RNASE4: variants seen among roughly 807,000 people sequenced by gnomAD.
RNASE4 encodes the protein ribonuclease A family member 4.
For synonymous variants in RNASE4, 93 were observed against 71.4 expected (o/e 1.30, Z -1.52); for missense variants, 194 against 192.8 (o/e 1.01, Z -0.04).
intron 1 of RNASE4, chr14:20,693,712 T>G: frequency 6.2e-7 from 1 of 1,614,154 alleles, no homozygotes; most frequent in African/African-American, 1.3e-5. Context: ...TGACAGATAC[T>G]GTGAAAGCAT....
intron 1 of RNASE4, among the ~76,000 whole-genome samples, chr14:20,692,319 T>C (rs1054363513): frequency 2.0e-4 from 31 of 152,114 alleles, no homozygotes; most frequent in Admixed American, 4.6e-4. Context: ...CTTGGGGAGG[T>C]AGGTCTGCTT....
chr14:20,695,105 T>A (rs184685870), intron 1 of RNASE4, among the ~76,000 whole-genome samples: 2 of 152,278 alleles, frequency 1.3e-5, no homozygotes, highest in East Asian at 3.9e-4. Context: ...GGGGAAGTTA[T>A]AGAAGATTCC....
intron 1 of RNASE4, among the ~76,000 whole-genome samples, chr14:20,687,195 C>G (rs1007684777): frequency 1.3e-5 from 2 of 152,230 alleles, no homozygotes; most frequent in Non-Finnish European, 2.9e-5. Flanking sequence ...TAGATGCATT[C>G]TAATGAAATA....
At chr14:20,688,520 A>G (rs1886534218) in intron 1 of RNASE4, 2 of 171,690 alleles carry the variant, frequency 1.2e-5, no homozygotes, top group Non-Finnish European at 2.3e-5. Flanking sequence ...CAGTCCTGCC[A>G]TGAACAAGAG....
chr14:20,694,113 A>G, intron 1 of RNASE4: 1 of 1,272,856 alleles, frequency 7.9e-7, no homozygotes, highest in Non-Finnish European at 1.1e-6. Flanking sequence ...GCCCAAAGAA[A>G]GAGCTACCTG....
At chr14:20,693,569 T>G in intron 1 of RNASE4, 1 of 1,612,408 alleles carries the variant, frequency 6.2e-7, no homozygotes, top group South Asian at 1.1e-5. Flanking sequence ...GAAGAGATGG[T>G]GATGGGCCTG....
rs758336427 is a variant in RNASE4, at chr14:20,694,021, T to G, written c.-17-5334T>G. On this transcript the variant is annotated intron_variant, in intron 1 of 1. Coordinates refer to ENST00000555835, the MANE Select transcript of RNASE4 (RefSeq NM_002937.5). ...CCGTCGTCCGTAACCAGCGGGCCCC[T>G]GGTCAAGTGCTGGCTCTGCTGTCCT... The G allele has an allele frequency of 2.5e-6, 4 of 1,613,994 alleles. No homozygotes were observed. The South Asian group carries it at 4.4e-5, about 18-fold the overall frequency.
rs1369040894 is a variant in RNASE4 at position 20,700,797 on chromosome 14, T to C, written c.*982T>C. ...TCTCAAAGACAATTCTCACAGCTCT[T>C]CCTTCTCCCTTAGAATATTTAGAAG... On this transcript the variant is annotated 3_prime_UTR_variant, in exon 2 of 2. Transcript: ENST00000555835. 6.4e-6 allele frequency: 1 copy of C among 157,324 alleles called. No homozygotes were observed. Among genetic ancestry groups the C allele is most frequent in the Non-Finnish European group, 1.5e-5 (1 of 68,058 alleles). 9.7% of individuals were successfully genotyped at this position (157,324 alleles called of 1,614,324 possible).
chr14:20,700,074 T>A lies in RNASE4; in HGVS notation c.*259T>A, dbSNP rs1887244875. ...AGCTTAGCTCTCTCAGATCCTATCC[T>A]GTGGAATTTAGTTATTATGTGTATT... On this transcript the variant is annotated 3_prime_UTR_variant, in exon 2 of 2. Transcript: ENST00000555835. 3 of 468,294 alleles carry A rather than the reference T, an allele frequency of 6.4e-6. No individual in the cohort carries two copies. Among genetic ancestry groups the A allele is most frequent in the Non-Finnish European group, 3.9e-6 (1 of 253,922 alleles). 29.0% of individuals were successfully genotyped at this position (468,294 alleles called of 1,614,324 possible).
At chr14:20,699,298 C>A in intron 1 of RNASE4, 57 bp from the exon 2 acceptor site, 4 of 1,453,758 alleles carry the variant, frequency 2.8e-6, no homozygotes, top group Non-Finnish European at 3.7e-6. Flanking sequence ...TTCTCAACAC[C>A]TTTTTCCAGT....
At chr14:20,694,072 A>G in intron 1 of RNASE4, 1 of 1,585,482 alleles carries the variant, frequency 6.3e-7, no homozygotes, top group Non-Finnish European at 8.7e-7. Flanking sequence ...CTCTGCACCC[A>G]GAACAGTGGT....
In RNASE4 at chr14:20,693,325, G is replaced by C. The variant is rs117362930; in HGVS notation, c.-17-6030G>C. On this transcript the variant is annotated intron_variant, in intron 1 of 1. Transcript: ENST00000555835. ...TGATTCTAAGGGATGGGGAAGAACG[G>C]TTGGAGCTAGAGGTTGTGCTCAGGA... Among the ~76,000 whole-genome samples the C allele has an allele frequency of 0.025, 3,849 of 152,350 alleles. 66 individuals carry two copies. The highest frequency in any genetic ancestry group is 0.047 in the South Asian group (229 of 4,832).
In RNASE4 at chr14:20,688,817, G is replaced by A. The variant is rs189202844; in HGVS notation, c.-18+4059G>A. 368 of 985,278 alleles carry A rather than the reference G, an allele frequency of 3.7e-4. 1 individual carries two copies. In the African/African-American group the frequency reaches 5.0e-3, roughly 13 times the overall value. 61.0% of individuals were successfully genotyped at this position (985,278 alleles called of 1,614,324 possible). On this transcript the variant is annotated intron_variant, in intron 1 of 1. Transcript: ENST00000555835. ...AACCCATCTCCAGGAACAAACAGCT[G>A]GAACCCATCTCCCGTTGAAGGGAAA...
At chr14:20,690,164 G>T (rs1391144123) in intron 1 of RNASE4, among the ~76,000 whole-genome samples, 5 of 133,528 alleles carry the variant, frequency 3.7e-5, no homozygotes, top group South Asian at 4.8e-4. Flanking sequence ...GCAGTGAGCC[G>T]AGATTGCGCC....
intron 1 of RNASE4, among the ~76,000 whole-genome samples, chr14:20,691,432 G>A (rs976722442): frequency 1.3e-5 from 2 of 152,228 alleles, no homozygotes; most frequent in Admixed American, 1.3e-4. Flanking sequence ...ACACACCCAG[G>A]AGACTGAAAA....
intron 1 of RNASE4, among the ~76,000 whole-genome samples, chr14:20,691,046 A>C (rs1297642553): frequency 6.6e-6 from 1 of 152,216 alleles, no homozygotes; most frequent in Non-Finnish European, 1.5e-5. Flanking sequence ...CCTTGGTCTT[A>C]ATATCTAATG....
intron 1 of RNASE4, among the ~76,000 whole-genome samples, chr14:20,696,670 AGTC>A (rs910757297): frequency 9.2e-5 from 14 of 152,090 alleles, no homozygotes; most frequent in African/African-American, 3.4e-4. Flanking sequence ...GCAACTCTGT[AGTC>A]ATTCATTATT....
At chr14:20,685,691 T>A (rs1220471587) in intron 1 of RNASE4, among the ~76,000 whole-genome samples, 1 of 152,196 alleles carries the variant, frequency 6.6e-6, no homozygotes, top group East Asian at 1.9e-4. Flanking sequence ...AACAGCAACT[T>A]TCAGTGGCCC....
chr14:20,693,887 A>AT lies in RNASE4; in HGVS notation c.-17-5467dup, dbSNP rs1886957607. ...TTCCAGGTCACCACTTGCAAGCTAC[A>AT]TGGAGGTTCCCCCTGGCCTCCATGC... is the stretch of plus-strand genomic sequence containing the variant. On this transcript the variant is annotated intron_variant, in intron 1 of 1. Transcript: ENST00000555835. 6.2e-7 allele frequency: 1 copy of AT among 1,614,176 alleles called. No individual in the cohort carries two copies.
Sources: allele counts gnomAD v4.1 joint callset (sites outside exome capture counted in the v4.1 genomes callset), GRCh38; gene constraint gnomAD v4.1.1; transcripts MANE v1.5; gene names NCBI Gene and HGNC (gene_info 2026-07-23, HGNC 2026-07-21).